Variants in NALF1 observed in about 807,000 individuals in gnomAD.
The protein encoded by NALF1 is family with sequence similarity 155 member A.
A neutral mutation model predicts 48.4 loss-of-function variants in NALF1; 3 were observed. The observed-to-expected ratio is 0.06, with a 90% CI of 0.03 to 0.16. The LOEUF (loss-of-function observed/expected upper bound fraction) is 0.16. Ranked by LOEUF, NALF1 falls within the 10% of genes least tolerant of loss-of-function variation. The probability of loss-of-function intolerance (pLI) is 1.00; values close to 1 mark genes in which losing one functional copy is unlikely to be tolerated. For missense variants in NALF1, 526 were observed against 571.5 expected, an observed-to-expected ratio of 0.92 and a Z score of 0.81; for synonymous variants, 262 against 245.7, an observed-to-expected ratio of 1.07 and a Z score of -0.62.
Position 107,210,618 on chromosome 13 carries a change from G to A in NALF1, c.1053C>T (p.Val351=), listed in dbSNP as rs1277550201. ...TGAAACTGGAGAGGCCTCCGTAGATGACTTCATCATTGTCGGGCAATATAA... is the reference window on the plus strand; with the variant it reads ...TGAAACTGGAGAGGCCTCCGTAGATAACTTCATCATTGTCGGGCAATATAA... ...CPFILPDNDE[V]IYGGLSSFIC... is the part of the protein sequence containing the mutation. Residue 351 remains valine (V), a synonymous_variant, in exon 2 of 3, where the codon GTC becomes GTT. Transcript: ENST00000375915. 1.2e-6 allele frequency: 2 copies of A among 1,613,390 alleles called. No homozygotes were observed. Among genetic ancestry groups the A allele is most frequent in the Non-Finnish European group, 1.7e-6 (2 of 1,179,488 alleles).
chr13:107,864,407 T>C (rs572441845), intron 1 of NALF1, among the ~76,000 whole-genome samples: 1 of 152,322 alleles, frequency 6.6e-6, no homozygotes, highest in East Asian at 1.9e-4. Context: ...AAAATAGGCA[T>C]CCCTTAGTCC....
At chr13:107,493,354 A>T (rs1207696581) in intron 1 of NALF1, among the ~76,000 whole-genome samples, 1 of 152,160 alleles carries the variant, frequency 6.6e-6, no homozygotes, top group East Asian at 1.9e-4. Flanking sequence ...AACTCCTGGA[A>T]GCAGGTAGAC....
intron 1 of NALF1, among the ~76,000 whole-genome samples, chr13:107,704,919 T>C (rs934320897): frequency 4.6e-5 from 7 of 152,176 alleles, no homozygotes; most frequent in Admixed American, 2.6e-4. Context: ...CTCACTATTA[T>C]GCAAACAGAA....
At chr13:107,341,165 C>A (rs1037000247) in intron 1 of NALF1, among the ~76,000 whole-genome samples, 2 of 151,774 alleles carry the variant, frequency 1.3e-5, no homozygotes, top group Non-Finnish European at 2.9e-5. Flanking sequence ...TATCAATTGA[C>A]AAACACAGGA....
intron 1 of NALF1, chr13:107,466,198 AC>A (rs1195251662): frequency 6.6e-6 from 1 of 152,158 alleles, no homozygotes; most frequent in African/African-American, 2.4e-5. Flanking sequence ...TAATTCAATC[AC>A]CTGCCACCAG....
At chr13:107,582,240 A>C (rs1470138882) in intron 1 of NALF1, among the ~76,000 whole-genome samples, 2 of 152,214 alleles carry the variant, frequency 1.3e-5, no homozygotes, top group Non-Finnish European at 2.9e-5. Context: ...AGACATTAAG[A>C]AAGGCATAGG....
chr13:107,757,589 T>C (rs1384928652), intron 1 of NALF1, among the ~76,000 whole-genome samples: 3 of 152,126 alleles, frequency 2.0e-5, no homozygotes, highest in Non-Finnish European at 2.9e-5. Flanking sequence ...TCCCAAAATA[T>C]CTGTTTCTAT....
intron 1 of NALF1, among the ~76,000 whole-genome samples, chr13:107,553,035 C>T (rs1329402788): frequency 6.6e-6 from 1 of 152,036 alleles, no homozygotes; most frequent in Non-Finnish European, 1.5e-5. Flanking sequence ...ATAAGATTTA[C>T]AGGCTCAGCT....
intron 1 of NALF1, among the ~76,000 whole-genome samples, chr13:107,641,053 C>T (rs930444399): frequency 6.6e-6 from 1 of 152,198 alleles, no homozygotes; most frequent in Non-Finnish European, 1.5e-5. Context: ...GGTATTGACA[C>T]ACAATGAAAT....
intron 1 of NALF1, among the ~76,000 whole-genome samples, chr13:107,622,265 C>T (rs1414063323): frequency 1.3e-5 from 2 of 151,762 alleles, no homozygotes; most frequent in East Asian, 1.9e-4. Flanking sequence ...CCCGTCTCTA[C>T]TAAAAAAACA....
intron 1 of NALF1, among the ~76,000 whole-genome samples, chr13:107,227,814 T>C (rs1383056471): frequency 6.6e-6 from 1 of 152,214 alleles, no homozygotes; most frequent in Non-Finnish European, 1.5e-5. Context: ...GAGCTTCAGT[T>C]AGTAACCGAA....
chr13:107,342,630 C>A (rs181918423), intron 1 of NALF1, among the ~76,000 whole-genome samples: 1 of 152,232 alleles, frequency 6.6e-6, no homozygotes, highest in Non-Finnish European at 1.5e-5. Context: ...TGGAGAGATA[C>A]AAACGAGTAG....
At chr13:107,508,471 A>T (rs1008295536) in intron 1 of NALF1, among the ~76,000 whole-genome samples, 3 of 152,020 alleles carry the variant, frequency 2.0e-5, no homozygotes, top group Admixed American at 6.6e-5. Context: ...TTAATAATAA[A>T]AAACAAGCTG....
intron 1 of NALF1, among the ~76,000 whole-genome samples, chr13:107,641,692 C>T (rs1331654127): frequency 2.6e-5 from 4 of 152,078 alleles, no homozygotes; most frequent in South Asian, 4.1e-4. Context: ...ATTGAATAGT[C>T]GGAGTCTCTA....
At chr13:107,598,958 T>A (rs1416450419) in intron 1 of NALF1, among the ~76,000 whole-genome samples, 1 of 152,186 alleles carries the variant, frequency 6.6e-6, no homozygotes, top group Non-Finnish European at 1.5e-5. Context: ...CCGCCAAGAC[T>A]AGAAAAGTAC....
intron 1 of NALF1, among the ~76,000 whole-genome samples, chr13:107,711,992 G>A (rs1038210453): frequency 1.3e-5 from 2 of 151,928 alleles, no homozygotes; most frequent in African/African-American, 4.8e-5. Context: ...TGAGAAACAG[G>A]TTTTTATATG....
chr13:107,512,435 C>A (rs1299619407), intron 1 of NALF1, among the ~76,000 whole-genome samples: 1 of 152,222 alleles, frequency 6.6e-6, no homozygotes, highest in Non-Finnish European at 1.5e-5. Context: ...AATATCTAGA[C>A]CTTGACGTTG....
At chr13:107,847,388 T>A (rs571363787) in intron 1 of NALF1, among the ~76,000 whole-genome samples, 1 of 152,328 alleles carries the variant, frequency 6.6e-6, no homozygotes, top group African/African-American at 2.4e-5. Flanking sequence ...GGGCCTCTGA[T>A]TTTTCCTCTT....
intron 1 of NALF1, among the ~76,000 whole-genome samples, chr13:107,747,141 C>A (rs765601144): frequency 2.0e-5 from 3 of 152,208 alleles, no homozygotes; most frequent in Non-Finnish European, 2.9e-5. Context: ...ATTGTACATT[C>A]TTGGGCAATT....
Sources: allele counts gnomAD v4.1 joint callset (sites outside exome capture counted in the v4.1 genomes callset), GRCh38; gene constraint gnomAD v4.1.1; transcripts MANE v1.5; gene names NCBI Gene and HGNC (gene_info 2026-07-23, HGNC 2026-07-21).